Variants in SLC26A7 observed in about 807,000 individuals in gnomAD.
The protein encoded by SLC26A7 is anion exchange transporter.
SLC26A7 carries 59 observed loss-of-function variants against 82.5 expected under a neutral mutation model. That is an observed-to-expected ratio of 0.72 (90% confidence interval 0.58 to 0.89). SLC26A7 has a LOEUF of 0.89. Among genes scored for constraint, SLC26A7 ranks in the 40% least tolerant of loss-of-function variants. SLC26A7 has a pLI of 0.00. For missense variants in SLC26A7, 820 were observed against 793.0 expected (o/e 1.03, Z -0.41); for synonymous variants, 271 against 274.3 (o/e 0.99, Z 0.12).
intron 5 of SLC26A7, among the ~76,000 whole-genome samples, chr8:91,332,226 TATATTTAATTA>T (rs1415617029): frequency 6.9e-6 from 1 of 144,574 alleles, no homozygotes; most frequent in African/African-American, 2.5e-5. Flanking sequence ...ATATTCAATA[TATATTTAATTA>T]ATATTTAATT....
At chr8:91,322,247 GT>G (rs1244586020) in intron 5 of SLC26A7, among the ~76,000 whole-genome samples, 1 of 151,960 alleles carries the variant, frequency 6.6e-6, no homozygotes, top group African/African-American at 2.4e-5. Context: ...AAAAAGCTAT[GT>G]TTTTTAGTTT....
intron 4 of SLC26A7, among the ~76,000 whole-genome samples, chr8:91,296,749 C>T (rs886912516): frequency 8.5e-5 from 13 of 152,134 alleles, no homozygotes; most frequent in East Asian, 1.9e-4. Flanking sequence ...ACTGGTGGAC[C>T]AATCAGTATT....
At position 91,318,287 on chromosome 8, in the gene SLC26A7, A is replaced by G; in HGVS notation, c.549A>G (p.Thr183=). The part of the protein sequence containing the change: ...VVTEPVISAM[T]TGAATHVVTS... Reference sequence around the variant, plus strand: ...CAGAGCCTGTGATCAGCGCAATGACAACTGGGGCTGCCACCCATGTGGTGA... The same window carrying G: ...CAGAGCCTGTGATCAGCGCAATGACGACTGGGGCTGCCACCCATGTGGTGA... Residue 183 remains threonine, a synonymous_variant, in exon 5 of 19, where the codon ACA becomes ACG. Coordinates refer to ENST00000276609, the MANE Select transcript of SLC26A7 (RefSeq NM_052832.4). The G allele has an allele frequency of 6.2e-7, 1 of 1,612,580 alleles. No homozygotes were observed. Among genetic ancestry groups the G allele is most frequent in the Non-Finnish European group, 8.5e-7 (1 of 1,179,266 alleles).
At chr8:91,331,106 G>A (rs903806501) in intron 5 of SLC26A7, among the ~76,000 whole-genome samples, 2 of 151,928 alleles carry the variant, frequency 1.3e-5, no homozygotes, top group Non-Finnish European at 2.9e-5. Flanking sequence ...TTGGATTAGG[G>A]CCCACCCATA....
intron 2 of SLC26A7, among the ~76,000 whole-genome samples, chr8:91,276,441 G>T (rs935969179): frequency 6.6e-6 from 1 of 152,042 alleles, no homozygotes; most frequent in Non-Finnish European, 1.5e-5. Context: ...CCTCATTTTT[G>T]TTTATAAATC....
chr8:91,327,995 T>G (rs1279095166), intron 5 of SLC26A7, among the ~76,000 whole-genome samples: 1 of 152,150 alleles, frequency 6.6e-6, no homozygotes, highest in African/African-American at 2.4e-5. Context: ...CATGTATATT[T>G]TATTACAACA....
chr8:91,348,405 G>T (rs1393402989), intron 9 of SLC26A7: 1 of 971,356 alleles, frequency 1.0e-6, no homozygotes. Flanking sequence ...TCTAGGTATG[G>T]ATAATAAAAA....
chr8:91,290,772 A>G (rs1401509924), intron 3 of SLC26A7, among the ~76,000 whole-genome samples: 1 of 152,184 alleles, frequency 6.6e-6, no homozygotes, highest in East Asian at 1.9e-4. Context: ...AATTCTGCCT[A>G]CTACATTGAT....
intron 4 of SLC26A7, among the ~76,000 whole-genome samples, chr8:91,317,311 G>C (rs1293940336): frequency 1.3e-5 from 2 of 152,182 alleles, no homozygotes; most frequent in African/African-American, 4.8e-5. Flanking sequence ...ATGTTGCTAT[G>C]AAAAGTAAGG....
At chr8:91,369,958 C>T in intron 15 of SLC26A7, 125 bp downstream of exon 15, 1 of 758,230 alleles carries the variant, frequency 1.3e-6, no homozygotes, top group East Asian at 2.9e-5. Flanking sequence ...TTTTTCTCTC[C>T]TAATTGTCCT....
upstream of SLC26A7, among the ~76,000 whole-genome samples, chr8:91,248,075 A>G (rs1005812942): frequency 6.6e-6 from 1 of 152,138 alleles, no homozygotes; most frequent in Non-Finnish European, 1.5e-5. Context: ...TCTCATACCA[A>G]GAGGATAGGA....
At chr8:91,363,076 A>G (rs1250311786) in intron 12 of SLC26A7, among the ~76,000 whole-genome samples, 2 of 152,058 alleles carry the variant, frequency 1.3e-5, no homozygotes, top group Admixed American at 6.6e-5. Flanking sequence ...TTTTATCTCT[A>G]TAGAGTCTTT....
chr8:91,282,291 G>A (rs1230486326), intron 2 of SLC26A7, among the ~76,000 whole-genome samples: 2 of 152,136 alleles, frequency 1.3e-5, no homozygotes, highest in African/African-American at 4.8e-5. Context: ...CTAGGATTGA[G>A]TAGAAGGCTT....
At chr8:91,370,209 CTTT>C (rs1176937352) in intron 15 of SLC26A7, among the ~76,000 whole-genome samples, 10 of 148,106 alleles carry the variant, frequency 6.8e-5, no homozygotes, top group African/African-American at 2.0e-4. Context: ...TCCTTTCTCT[CTTT>C]ATTCTTTTCT....
At chr8:91,341,308 G>A (rs1813406762) in intron 8 of SLC26A7, among the ~76,000 whole-genome samples, 1 of 152,068 alleles carries the variant, frequency 6.6e-6, no homozygotes, top group African/African-American at 2.4e-5. Context: ...CCCTACAAAG[G>A]ACATGAACTC....
intron 5 of SLC26A7, among the ~76,000 whole-genome samples, chr8:91,320,930 C>T (rs541789228): frequency 3.9e-5 from 6 of 152,300 alleles, no homozygotes; most frequent in African/African-American, 1.2e-4. Flanking sequence ...AAGACTCTTG[C>T]ACAATGAGCC....
intron 18 of SLC26A7, chr8:91,394,322 A>G (rs1808505347): frequency 1.2e-6 from 2 of 1,609,566 alleles, no homozygotes; most frequent in Admixed American, 1.7e-5. Flanking sequence ...TTGTACAACA[A>G]ATGCTTCTTC....
intron 1 of SLC26A7, among the ~76,000 whole-genome samples, chr8:91,212,976 C>T (rs948655990): frequency 6.6e-6 from 1 of 152,166 alleles, no homozygotes; most frequent in Admixed American, 6.5e-5. Context: ...GGAGAACTCT[C>T]CCTTTTGTTC....
At chr8:91,252,254 T>C (rs1810679591) in intron 2 of SLC26A7, among the ~76,000 whole-genome samples, 1 of 152,100 alleles carries the variant, frequency 6.6e-6, no homozygotes, top group Non-Finnish European at 1.5e-5. Flanking sequence ...TTCAATCTAG[T>C]AGTTGTTTTT....
Sources: allele counts gnomAD v4.1 joint callset (sites outside exome capture counted in the v4.1 genomes callset), GRCh38; gene constraint gnomAD v4.1.1; transcripts MANE v1.5; gene names NCBI Gene and HGNC (gene_info 2026-07-23, HGNC 2026-07-21).